The following TBC1D4 variants were observed in gnomAD, a reference collection of about 807,000 sequenced individuals.
TBC1D4 encodes the protein TBC1 domain family member 4.
A neutral mutation model predicts 142.5 loss-of-function variants in TBC1D4; 121 were observed. That is an observed-to-expected ratio of 0.85 (90% confidence interval 0.73 to 0.99). The LOEUF (loss-of-function observed/expected upper bound fraction) is 0.99. Among genes scored for constraint, TBC1D4 ranks in the 50% least tolerant of loss-of-function variants. The pLI, the probability that TBC1D4 is intolerant of heterozygous loss-of-function variation, is 0.00. For synonymous variants in TBC1D4, 630 were observed against 628.2 expected, an observed-to-expected ratio of 1.00 and a Z score of -0.04; for missense variants, 1,475 against 1,606.6, an observed-to-expected ratio of 0.92 and a Z score of 1.40.
At chr13:75,306,162 A>T (rs926768703) in intron 15 of TBC1D4, 151 bp downstream of exon 15, 1 of 717,346 alleles carries the variant, frequency 1.4e-6, no homozygotes, top group Non-Finnish European at 2.2e-6. Flanking sequence ...ACTAAACTAC[A>T]GGAAGAAACA....
At chr13:75,304,705 C>T (rs1022329892) in intron 15 of TBC1D4, among the ~76,000 whole-genome samples, 5 of 151,658 alleles carry the variant, frequency 3.3e-5, no homozygotes, top group African/African-American at 1.2e-4. Flanking sequence ...GCATAAAGGC[C>T]CTGAGACGGG....
At chr13:75,422,419 G>T (rs1253929706) in intron 1 of TBC1D4, among the ~76,000 whole-genome samples, 1 of 152,082 alleles carries the variant, frequency 6.6e-6, no homozygotes, top group African/African-American at 2.4e-5. Flanking sequence ...AAAATCCTTT[G>T]AAAAACACAT....
chr13:75,302,154 C>T, intron 16 of TBC1D4, 89 bp downstream of exon 16: 1 of 1,508,900 alleles, frequency 6.6e-7, no homozygotes, highest in South Asian at 1.1e-5. Flanking sequence ...TGCTCTTTAT[C>T]AGCACCAAGA....
rs907381117 is a variant in TBC1D4, at chr13:75,348,156, CA to C, written c.1408+1013del. On this transcript the variant is annotated intron_variant, in intron 5 of 20. Transcript: ENST00000377636. ...GCTGTGCCTCAAAACAAACAAACAACAAAAAAAAAACCTGTGTTTGATCACA... is the reference window on the plus strand; with the variant it reads ...GCTGTGCCTCAAAACAAACAAACAACAAAAAAAAACCTGTGTTTGATCACA... 9.5e-4 allele frequency among the ~76,000 whole-genome samples: 139 copies of C among 146,972 alleles called. 1 individual carries two copies. Among genetic ancestry groups the C allele is most frequent in the Non-Finnish European group, 1.6e-3 (108 of 66,334 alleles).
At chr13:75,406,642 T>C (rs1000116463) in intron 1 of TBC1D4, among the ~76,000 whole-genome samples, 10 of 152,194 alleles carry the variant, frequency 6.6e-5, no homozygotes, top group African/African-American at 2.2e-4. Flanking sequence ...CTATAACATA[T>C]ATAGTTCTAT....
At chr13:75,302,118 T>C in intron 16 of TBC1D4, 125 bp downstream of exon 16, 1 of 1,189,620 alleles carries the variant, frequency 8.4e-7, no homozygotes, top group Non-Finnish European at 1.2e-6. Context: ...AAGGACAAAG[T>C]CAACGGCTCT....
At chr13:75,474,483 C>T (rs907545887) in intron 1 of TBC1D4, among the ~76,000 whole-genome samples, 3 of 152,036 alleles carry the variant, frequency 2.0e-5, no homozygotes, top group South Asian at 4.2e-4. Flanking sequence ...GGCGTGAACC[C>T]GGAAGGCGGA....
chr13:75,443,012 G>T (rs1162496629), intron 1 of TBC1D4, among the ~76,000 whole-genome samples: 1 of 152,148 alleles, frequency 6.6e-6, no homozygotes, highest in Non-Finnish European at 1.5e-5. Flanking sequence ...ATTTTATGAA[G>T]TTTATTGTAG....
At chr13:75,357,440 T>A (rs1882141801) in intron 3 of TBC1D4, among the ~76,000 whole-genome samples, 1 of 152,202 alleles carries the variant, frequency 6.6e-6, no homozygotes, top group Non-Finnish European at 1.5e-5. Flanking sequence ...CATCCTCATC[T>A]GCTTTCCTCT....
chr13:75,409,870 T>G (rs1885535459), intron 1 of TBC1D4, among the ~76,000 whole-genome samples: 2 of 152,338 alleles, frequency 1.3e-5, no homozygotes, highest in South Asian at 2.1e-4. Flanking sequence ...TAGTGTTAAT[T>G]TATACTTGCC....
intron 1 of TBC1D4, among the ~76,000 whole-genome samples, chr13:75,447,117 C>A (rs1887319031): frequency 6.6e-6 from 1 of 152,120 alleles, no homozygotes; most frequent in South Asian, 2.1e-4. Flanking sequence ...ACAGGAGTTA[C>A]TTTTAGTCGG....
intron 14 of TBC1D4, among the ~76,000 whole-genome samples, chr13:75,306,717 G>A (rs1398193920): frequency 2.0e-5 from 3 of 152,022 alleles, no homozygotes; most frequent in East Asian, 3.9e-4. Flanking sequence ...TACATATGGC[G>A]ACTCTGCTAA....
chr13:75,367,072 G>A (rs1882956255), intron 1 of TBC1D4: 2 of 775,510 alleles, frequency 2.6e-6, no homozygotes, highest in Non-Finnish European at 3.1e-6. Flanking sequence ...TCACTATGCA[G>A]CCAATTATAA....
chr13:75,463,306 T>G (rs1223863537), intron 1 of TBC1D4, among the ~76,000 whole-genome samples: 1 of 152,180 alleles, frequency 6.6e-6, no homozygotes, highest in Non-Finnish European at 1.5e-5. Context: ...TTCCTGAGCT[T>G]AAGTGGAATT....
At chr13:75,343,686 T>G in intron 5 of TBC1D4, among the ~76,000 whole-genome samples, 1 of 152,102 alleles carries the variant, frequency 6.6e-6, no homozygotes, top group Non-Finnish European at 1.5e-5. Context: ...CCAGCTACTT[T>G]TGTATTTTTA....
chr13:75,443,089 G>A (rs1391880609), intron 1 of TBC1D4, among the ~76,000 whole-genome samples: 1 of 152,244 alleles, frequency 6.6e-6, no homozygotes, highest in Non-Finnish European at 1.5e-5. Context: ...GCTTAGGCAA[G>A]TAATTAGTTA....
At chr13:75,460,386 G>A (rs1887917360) in intron 1 of TBC1D4, among the ~76,000 whole-genome samples, 1 of 152,166 alleles carries the variant, frequency 6.6e-6, no homozygotes, top group African/African-American at 2.4e-5. Flanking sequence ...CTACAGCAAA[G>A]GAAGTGACTT....
At chr13:75,341,890 T>C (rs548191) in intron 5 of TBC1D4, among the ~76,000 whole-genome samples, 74,331 of 152,070 alleles carry the variant, frequency 0.49, 18,883 homozygotes, top group East Asian at 0.8. Flanking sequence ...GAGAGGAGTT[T>C]TCAGAAACTT....
In TBC1D4 at chr13:75,472,149, T is replaced by C. The variant is rs565427319; in HGVS notation, c.498+9121A>G. On this transcript the variant is annotated intron_variant, in intron 1 of 20. Transcript: ENST00000377636. ...AAAGAAAAGAAATATGGATGGGCCATTGCGGTGGCTCACGCCTGTAATCCC... is the reference window on the plus strand; with the variant it reads ...AAAGAAAAGAAATATGGATGGGCCACTGCGGTGGCTCACGCCTGTAATCCC... Among the ~76,000 whole-genome samples, 13 of 138,990 alleles carry C rather than the reference T, an allele frequency of 9.4e-5. 1 individual carries two copies. The South Asian group carries it at 2.8e-3, about 30-fold the overall frequency. 91.2% of individuals were successfully genotyped at this position (138,990 alleles called of 152,430 possible).
Sources: allele counts gnomAD v4.1 joint callset (sites outside exome capture counted in the v4.1 genomes callset), GRCh38; gene constraint gnomAD v4.1.1; transcripts MANE v1.5; gene names NCBI Gene and HGNC (gene_info 2026-07-23, HGNC 2026-07-21).